Variants in PSAT1 observed in about 807,000 individuals in gnomAD.
The protein encoded by PSAT1 is phosphoserine aminotransferase.
Under a neutral mutation model 40.3 loss-of-function variants are expected in PSAT1, and 41 were observed. The observed-to-expected ratio is 1.02, with a 90% confidence interval of 0.79 to 1.32. The LOEUF (loss-of-function observed/expected upper bound fraction) is 1.32. Among genes scored for constraint, PSAT1 ranks in the 40% most tolerant of loss-of-function variants. The probability of loss-of-function intolerance (pLI) is 0.00; values close to 1 mark genes in which losing one functional copy is unlikely to be tolerated. For missense variants in PSAT1, 406 were observed against 455.8 expected, an observed-to-expected ratio of 0.89 and a Z score of 0.99; for synonymous variants, 147 against 170.5, an observed-to-expected ratio of 0.86 and a Z score of 1.07.
intron 6 of PSAT1, among the ~76,000 whole-genome samples, chr9:78,314,746 G>GCCC (rs1266784528): frequency 1.3e-5 from 2 of 152,088 alleles, no homozygotes. Flanking sequence ...CAGTCAGCTA[G>GCCC]GGGTTCAGGC....
At chr9:78,310,502 C>T (rs1828250591) in intron 6 of PSAT1, among the ~76,000 whole-genome samples, 1 of 152,054 alleles carries the variant, frequency 6.6e-6, no homozygotes, top group African/African-American at 2.4e-5. Flanking sequence ...AGAGGGGGCT[C>T]AGGCTGGTGC....
At chr9:78,308,122 T>G (rs1266101573) in intron 5 of PSAT1, among the ~76,000 whole-genome samples, 3 of 151,192 alleles carry the variant, frequency 2.0e-5, no homozygotes, top group African/African-American at 7.3e-5. Context: ...ACTTTGGGGG[T>G]AGAAAGGAGG....
chr9:78,323,703 G>A (rs73453072), intron 7 of PSAT1, among the ~76,000 whole-genome samples: 327 of 152,286 alleles, frequency 2.1e-3, no homozygotes, highest in African/African-American at 7.2e-3. Context: ...TGATCTTCAG[G>A]AATGCACAGC....
At chr9:78,316,133 C>T (rs1005413770) in intron 6 of PSAT1, among the ~76,000 whole-genome samples, 8 of 152,122 alleles carry the variant, frequency 5.3e-5, no homozygotes, top group East Asian at 1.9e-4. Flanking sequence ...AACCATGCAC[C>T]GCTCCTCAGT....
At position 78,299,180 on chromosome 9, in the gene PSAT1, T is replaced by C. The variant is rs115844763; in HGVS notation, c.61-1422T>C. Among the ~76,000 whole-genome samples the C allele has an allele frequency of 2.9e-3, 404 of 141,244 alleles. 2 individuals carry two copies. The highest frequency in any genetic ancestry group is 0.011 in the African/African-American group (393 of 37,054). 92.7% of individuals were successfully genotyped at this position (141,244 alleles called of 152,430 possible). On this transcript the variant is annotated intron_variant, in intron 1 of 8. Transcript: ENST00000376588. ...AAAAAAAAAAAAAAAAAATTGGTTA[T>C]GATCCACAAAAGCAATGCATTCTTC... is the stretch of plus-strand genomic sequence containing the variant.
intron 7 of PSAT1, among the ~76,000 whole-genome samples, chr9:78,327,238 G>A (rs1828514055): frequency 6.6e-6 from 1 of 151,736 alleles, no homozygotes; most frequent in South Asian, 2.1e-4. Context: ...TGGGATTATA[G>A]GTGTGAGCCA....
chr9:78,297,322 C>T, intron 1 of PSAT1, 52 bp downstream of exon 1: 1 of 1,554,230 alleles, frequency 6.4e-7, no homozygotes, highest in Non-Finnish European at 8.7e-7. Flanking sequence ...GGAGCACGCA[C>T]GCGGGTGGGT....
chr9:78,324,628 A>G (rs1764258626), intron 7 of PSAT1, among the ~76,000 whole-genome samples: 1 of 152,190 alleles, frequency 6.6e-6, no homozygotes, highest in Non-Finnish European at 1.5e-5. Context: ...CATGTTTAAA[A>G]ACACAACTTG....
intron 6 of PSAT1, among the ~76,000 whole-genome samples, chr9:78,311,576 G>A (rs2118661762): frequency 6.6e-6 from 1 of 152,176 alleles, no homozygotes; most frequent in Admixed American, 6.5e-5. Flanking sequence ...GCTCACACCT[G>A]TAATCCCAGC....
At chr9:78,318,812 C>T (rs186454166) in intron 7 of PSAT1, among the ~76,000 whole-genome samples, 39 of 152,300 alleles carry the variant, frequency 2.6e-4, no homozygotes, top group Non-Finnish European at 4.4e-4. Flanking sequence ...TTAGGACATG[C>T]GCATACCTTT....
chr9:78,327,065 C>T (rs1458968330), intron 7 of PSAT1, among the ~76,000 whole-genome samples: 2 of 149,146 alleles, frequency 1.3e-5, no homozygotes, highest in African/African-American at 5.0e-5. Context: ...AAGCAATTCT[C>T]CTGCCTCAGC....
intron 3 of PSAT1, among the ~76,000 whole-genome samples, chr9:78,303,732 C>T (rs913626645): frequency 3.9e-5 from 6 of 152,154 alleles, no homozygotes; most frequent in African/African-American, 1.4e-4. Flanking sequence ...AAGATATTTA[C>T]ACTCCTACCA....
At chr9:78,327,790 C>G (rs1479824158) in intron 7 of PSAT1, among the ~76,000 whole-genome samples, 1 of 152,116 alleles carries the variant, frequency 6.6e-6, no homozygotes, top group Non-Finnish European at 1.5e-5. Context: ...ATTATTATTC[C>G]CAGTATTCAG....
At chr9:78,325,039 C>G (rs766154661) in intron 7 of PSAT1, among the ~76,000 whole-genome samples, 2 of 152,044 alleles carry the variant, frequency 1.3e-5, no homozygotes, top group Non-Finnish European at 2.9e-5. Context: ...TGAGACATTA[C>G]TATGAATCAA....
chr9:78,299,144 C>CAAAAAA (rs71360679), intron 1 of PSAT1, among the ~76,000 whole-genome samples: 6 of 87,310 alleles, frequency 6.9e-5, no homozygotes, highest in Admixed American at 1.6e-4. Context: ...TGTCTCTTAA[C>CAAAAAA]AAAAAAAAAA....
intron 6 of PSAT1, among the ~76,000 whole-genome samples, chr9:78,309,408 C>G (rs1260978513): frequency 6.6e-6 from 1 of 152,196 alleles, no homozygotes; most frequent in Non-Finnish European, 1.5e-5. Flanking sequence ...CTGTTGCCAG[C>G]CTGGAGTGCA....
Position 78,297,146 on chromosome 9 carries a change from C to CA in PSAT1, c.-64dup, listed in dbSNP as rs1828036459. 31 of 1,507,780 alleles carry CA rather than the reference C, an allele frequency of 2.1e-5. No homozygotes were observed. Among genetic ancestry groups the CA allele is most frequent in the Non-Finnish European group, 2.7e-5 (30 of 1,112,464 alleles). The allele number at this position is 1,507,780 out of a possible 1,614,324, so 93.4% of individuals were successfully genotyped here. ...GGCTGCAGACTCTCACCGCAGCGGCCAGGAACGCCAGCCGTTCACGCGTTC... is the reference window on the plus strand; with the variant it reads ...GGCTGCAGACTCTCACCGCAGCGGCCAAGGAACGCCAGCCGTTCACGCGTTC... On this transcript the variant is annotated 5_prime_UTR_variant, in exon 1 of 9. Coordinates refer to ENST00000376588, the MANE Select transcript of PSAT1 (RefSeq NM_058179.4).
chr9:78,321,018 C>T (rs984100612), intron 7 of PSAT1, among the ~76,000 whole-genome samples: 15 of 149,244 alleles, frequency 1.0e-4, no homozygotes, highest in Non-Finnish European at 1.6e-4. Context: ...AATCCCCCCC[C>T]GCCACGCCTA....
intron 7 of PSAT1, among the ~76,000 whole-genome samples, chr9:78,319,330 C>G (rs1156342914): frequency 6.6e-6 from 1 of 152,188 alleles, no homozygotes; most frequent in Non-Finnish European, 1.5e-5. Flanking sequence ...TCTGTGAGCT[C>G]TTGACATGCA....
Sources: gnomAD v4.1 joint callset for allele counts (sites outside exome capture counted in the v4.1 genomes callset) on GRCh38, gnomAD v4.1.1 for gene constraint, MANE v1.5 for transcripts, NCBI Gene and HGNC (gene_info 2026-07-23, HGNC 2026-07-21) for gene names.